The following FBLN7 variants were observed in gnomAD, a reference collection of about 807,000 sequenced individuals.
FBLN7 encodes the protein fibulin-7.
A neutral mutation model predicts 44.0 loss-of-function variants in FBLN7; 31 were observed. The observed-to-expected ratio is 0.70, with a 90% CI of 0.53 to 0.95. The LOEUF is 0.95. Among genes scored for constraint, FBLN7 ranks in the 40% least tolerant of loss-of-function variants. The pLI is 0.00. For missense variants in FBLN7, 573 were observed against 618.5 expected, an observed-to-expected ratio of 0.93 and a Z score of 0.78; for synonymous variants, 262 against 253.4, an observed-to-expected ratio of 1.03 and a Z score of -0.32.
chr2:112,182,874 C>T lies in FBLN7; in HGVS notation c.754C>T (p.Arg252Cys), dbSNP rs763280507. Residue 252 changes from arginine (R) to cysteine (C), a missense_variant, in exon 6 of 8, where the codon CGT becomes TGT. Coordinates refer to ENST00000331203, the MANE Select transcript of FBLN7 (RefSeq NM_153214.3). ...HACVNTPGSYRCTCPGGYRTL... is the reference protein window; with the variant it reads ...HACVNTPGSYCCTCPGGYRTL... The stretch of plus-strand genomic sequence containing the variant: ...CTGCGTGAACACCCCGGGCTCTTAC[C>T]GTTGCACCTGCCCCGGTGGATACCG... The T allele has an allele frequency of 3.2e-5, 51 of 1,613,148 alleles. No homozygotes were observed. The highest frequency in any genetic ancestry group is 1.8e-4 in the South Asian group (16 of 90,874).
chr2:112,153,606 C>T (rs1681273094), intron 1 of FBLN7, among the ~76,000 whole-genome samples: 2 of 152,200 alleles, frequency 1.3e-5, no homozygotes, highest in Non-Finnish European at 2.9e-5. Context: ...TGAGCCCAAA[C>T]AGCATGGGGG....
At chr2:112,163,187 G>A (rs1264121017) in intron 2 of FBLN7, among the ~76,000 whole-genome samples, 1 of 152,202 alleles carries the variant, frequency 6.6e-6, no homozygotes, top group Non-Finnish European at 1.5e-5. Context: ...ACCCTAGGTT[G>A]TGTCCGGCCC....
At chr2:112,157,551 G>T (rs1681493878) in intron 1 of FBLN7, among the ~76,000 whole-genome samples, 1 of 152,056 alleles carries the variant, frequency 6.6e-6, no homozygotes, top group Non-Finnish European at 1.5e-5. Context: ...GCTCCACAAG[G>T]CCGAGGTCCC....
intron 1 of FBLN7, among the ~76,000 whole-genome samples, chr2:112,146,060 C>T (rs1431003451): frequency 6.6e-6 from 1 of 152,224 alleles, no homozygotes; most frequent in African/African-American, 2.4e-5. Flanking sequence ...GTGGCTCACG[C>T]CTGTAATCCC....
chr2:112,142,346 G>A (rs370590154), intron 1 of FBLN7, among the ~76,000 whole-genome samples: 5 of 152,246 alleles, frequency 3.3e-5, no homozygotes, highest in African/African-American at 1.2e-4. Flanking sequence ...GCGTAGTACC[G>A]ATCATCATTT....
Position 112,164,998 on chromosome 2 carries a change from C to T in FBLN7, c.236-3C>T. ...CTCGTAATCCTTCCATCTCTCCTTA[C>T]AGTTTCCTGCCCGGCTCTGAACACC... On this transcript the variant is annotated splice_region_variant and splice_polypyrimidine_tract_variant and intron_variant, in intron 2 of 7. Coordinates refer to ENST00000331203, the MANE Select transcript of FBLN7 (RefSeq NM_153214.3). The T allele has an allele frequency of 6.2e-7, 1 of 1,613,644 alleles. No homozygotes were observed. The highest frequency in any genetic ancestry group is 1.1e-5 in the South Asian group (1 of 91,004).
the FBLN7 span, among the ~76,000 whole-genome samples, chr2:112,229,325 A>AT: frequency 6.6e-6 from 1 of 152,072 alleles, no homozygotes; most frequent in African/African-American, 2.4e-5. Flanking sequence ...TATTAGTATT[A>AT]TTTTTTCTTT....
chr2:112,148,344 T>C (rs772341699), intron 1 of FBLN7, among the ~76,000 whole-genome samples: 13 of 152,200 alleles, frequency 8.5e-5, no homozygotes, highest in Non-Finnish European at 1.8e-4. Context: ...AGTAGAGATT[T>C]TAATACTAAT....
chr2:112,160,675 C>T (rs1459145322), intron 2 of FBLN7, among the ~76,000 whole-genome samples: 1 of 147,466 alleles, frequency 6.8e-6, no homozygotes, highest in African/African-American at 2.5e-5. Flanking sequence ...CACACGCACA[C>T]GCAGACGCAC....
chr2:112,189,340 G>A (rs1168399708), downstream of FBLN7: 3 of 152,290 alleles, frequency 2.0e-5, no homozygotes, highest in East Asian at 5.8e-4. Context: ...GGTGCCCACA[G>A]CACCAAAGTA....
At chr2:112,235,914 C>T in the FBLN7 span, among the ~76,000 whole-genome samples, 5 of 144,574 alleles carry the variant, frequency 3.5e-5, no homozygotes, top group African/African-American at 5.2e-5. Flanking sequence ...CCATTTTTCC[C>T]GAGTCATTGA....
At chr2:112,193,557 G>A in the FBLN7 span, among the ~76,000 whole-genome samples, 18 of 152,298 alleles carry the variant, frequency 1.2e-4, no homozygotes, top group African/African-American at 4.3e-4. Flanking sequence ...TGTATAAATA[G>A]TTGCTCTACG....
Position 112,138,488 on chromosome 2 carries a change from G to T in FBLN7, c.-168G>T. On this transcript the variant is annotated 5_prime_UTR_variant, in exon 1 of 8. Transcript: ENST00000331203. The stretch of plus-strand genomic sequence containing the variant: ...CAAGGCCCGGGCGGCGCCGATCCCC[G>T]CGGGACGCGCTGCGCTCGGGGCCTC... 1.3e-6 allele frequency: 1 copy of T among 795,026 alleles called. No individual in the cohort carries two copies. The highest frequency in any genetic ancestry group is 1.9e-5 in the African/African-American group (1 of 53,674). 49.2% of individuals were successfully genotyped at this position (795,026 alleles called of 1,614,324 possible).
the FBLN7 span, among the ~76,000 whole-genome samples, chr2:112,205,660 A>C: frequency 6.6e-6 from 1 of 152,140 alleles, no homozygotes; most frequent in Non-Finnish European, 1.5e-5. Flanking sequence ...TGGAATCTCT[A>C]ATCCATTAAG....
intron 2 of FBLN7, among the ~76,000 whole-genome samples, chr2:112,160,081 C>T (rs1461772262): frequency 6.6e-6 from 1 of 152,192 alleles, no homozygotes. Flanking sequence ...AGCTCCGCCT[C>T]CCGGGTTCAC....
chr2:112,231,519 A>C, the FBLN7 span, among the ~76,000 whole-genome samples: 1 of 152,190 alleles, frequency 6.6e-6, no homozygotes. Flanking sequence ...TCCTTCCAAG[A>C]ATCTTTATAA....
At chr2:112,189,890 A>G (rs1683427771), downstream of FBLN7, 1 of 152,220 alleles carries the variant, frequency 6.6e-6, no homozygotes, top group African/African-American at 2.4e-5. Context: ...TAATTCCTTA[A>G]TACCTTTAAA....
At chr2:112,142,824 AC>A (rs1680719088) in intron 1 of FBLN7, among the ~76,000 whole-genome samples, 1 of 151,548 alleles carries the variant, frequency 6.6e-6, no homozygotes, top group South Asian at 2.1e-4. Flanking sequence ...GTGTGTACAC[AC>A]CTTTTTTGCA....
In FBLN7 at chr2:112,175,775, C is replaced by T; in HGVS notation, c.468C>T (p.Asn156=). 1 of 1,614,182 alleles carries T rather than the reference C, an allele frequency of 6.2e-7. No homozygotes were observed. Among genetic ancestry groups the T allele is most frequent in the Non-Finnish European group, 8.5e-7 (1 of 1,180,034 alleles). The part of the protein sequence containing the change: ...QNGGTCVEGV[N]QYRCICPPGR... ...GTGGTACATGTGTAGAAGGAGTCAA[C>T]CAGTACAGATGCATTTGTCCTCCAG... The change falls in exon 4 of 8, where the codon AAC becomes AAT. Residue 156 remains asparagine (N), a synonymous_variant. Transcript: ENST00000331203.
Sources: allele counts gnomAD v4.1 joint callset (sites outside exome capture counted in the v4.1 genomes callset), GRCh38; gene constraint gnomAD v4.1.1; transcripts MANE v1.5; gene names NCBI Gene and HGNC (gene_info 2026-07-23, HGNC 2026-07-21).